Variants in TGIF1 observed in about 807,000 individuals in gnomAD.
TGIF1 encodes TGFB induced factor homeobox 1.
Under a neutral mutation model 19.3 loss-of-function variants are expected in TGIF1, and 4 were observed. The observed-to-expected ratio is 0.21, with a 90% CI of 0.10 to 0.47. TGIF1 has a LOEUF of 0.47. Among genes scored for constraint, TGIF1 ranks in the 20% least tolerant of loss-of-function variants. The probability of loss-of-function intolerance (pLI) is 0.98; values close to 1 mark genes in which losing one functional copy is unlikely to be tolerated. For synonymous variants in TGIF1, 122 were observed against 129.3 expected (o/e 0.94, Z 0.38); for missense variants, 275 against 341.4 (o/e 0.81, Z 1.53).
chr18:3,415,460 T>C (rs956603754), intron 1 of TGIF1: 18 of 493,478 alleles, frequency 3.6e-5, no homozygotes, highest in Admixed American at 3.3e-4. Context: ...AACCACATCC[T>C]CAGGCCACCA....
intron 1 of TGIF1, chr18:3,455,139 AT>A: frequency 2.6e-5 from 4 of 152,226 alleles, no homozygotes; most frequent in Admixed American, 2.6e-4. Context: ...AGAAGTACTG[AT>A]TTTTTTCAAG....
intron 1 of TGIF1, among the ~76,000 whole-genome samples, chr18:3,453,477 G>A (rs2083056519): frequency 6.6e-6 from 1 of 151,896 alleles, no homozygotes; most frequent in East Asian, 1.9e-4. Flanking sequence ...ATCTGAGGTC[G>A]GGAGTTCGAG....
chr18:3,427,284 C>T (rs1018210233), intron 2 of TGIF1, among the ~76,000 whole-genome samples: 2 of 149,364 alleles, frequency 1.3e-5, no homozygotes, highest in Admixed American at 1.3e-4. Flanking sequence ...TTCCAGAATA[C>T]ATTCTCCCTT....
intron 2 of TGIF1, among the ~76,000 whole-genome samples, chr18:3,437,000 G>C (rs1445505423): frequency 6.6e-6 from 1 of 152,060 alleles, no homozygotes; most frequent in African/African-American, 2.4e-5. Flanking sequence ...AGCTACTCGG[G>C]AGGCTGAGGC....
chr18:3,427,296 T>C (rs2143170442), intron 2 of TGIF1, among the ~76,000 whole-genome samples: 1 of 151,572 alleles, frequency 6.6e-6, no homozygotes, highest in South Asian at 2.1e-4. Flanking sequence ...TTCTCCCTTT[T>C]TTTTTTTTTC....
Position 3,450,321 on chromosome 18 carries a change from G to A in TGIF1, c.-169G>A, listed in dbSNP as rs527941062. 6.9e-7 allele frequency: 1 copy of A among 1,455,064 alleles called. No homozygotes were observed. The highest frequency in any genetic ancestry group is 1.4e-5 in the African/African-American group (1 of 69,958). 90.1% of individuals were successfully genotyped at this position (1,455,064 alleles called of 1,614,324 possible). A position where few individuals can be genotyped will look rare whatever the true frequency, so the allele number is the denominator to read the frequency against. Reference sequence around the variant, plus strand: ...CAAGTGTCACTTGAATTCCACCCAAGGAGCGGGCGCCTGGGATCAGAGCGT... The same window carrying A: ...CAAGTGTCACTTGAATTCCACCCAAAGAGCGGGCGCCTGGGATCAGAGCGT... On this transcript the variant is annotated 5_prime_UTR_variant, in exon 1 of 3. Coordinates refer to ENST00000343820, the MANE Select transcript of TGIF1 (RefSeq NM_003244.4).
intron 1 of TGIF1, 75 bp downstream of exon 1, chr18:3,450,580 G>A: frequency 6.5e-7 from 1 of 1,548,506 alleles, no homozygotes; most frequent in South Asian, 1.2e-5. Context: ...GCGCCGCGCG[G>A]AGTCACTTGG....
At chr18:3,428,593 C>T (rs369165117) in intron 2 of TGIF1, among the ~76,000 whole-genome samples, 7 of 151,616 alleles carry the variant, frequency 4.6e-5, no homozygotes, top group Non-Finnish European at 7.4e-5. Flanking sequence ...AAAGATTATC[C>T]GGGCATGGTG....
At position 3,450,318 on chromosome 18, in the gene TGIF1, C is replaced by G; in HGVS notation, c.-172C>G. 2 of 1,454,090 alleles carry G rather than the reference C, an allele frequency of 1.4e-6. No individual in the cohort carries two copies. Among genetic ancestry groups the G allele is most frequent in the South Asian group, 2.9e-5 (2 of 68,606 alleles). The allele number at this position is 1,454,090 out of a possible 1,614,324, so 90.1% of individuals were successfully genotyped here. A position where few individuals can be genotyped will look rare whatever the true frequency, so the allele number is the denominator to read the frequency against. Reference sequence around the variant, plus strand: ...GCCCAAGTGTCACTTGAATTCCACCCAAGGAGCGGGCGCCTGGGATCAGAG... The same window carrying G: ...GCCCAAGTGTCACTTGAATTCCACCGAAGGAGCGGGCGCCTGGGATCAGAG... On this transcript the variant is annotated 5_prime_UTR_variant, in exon 1 of 3. Transcript: ENST00000343820.
In TGIF1 at chr18:3,422,118, TGGGAG is replaced by T. The variant is rs1176054866; in HGVS notation, c.-45+3905_-45+3909del. ...CTGAGGCAGGAGAATCGCTTGAACC[TGGGAG>T]GCGGAGATTGCAGTGAGCAGAGATG... On this transcript the variant is annotated intron_variant, in intron 2 of 3. Transcript: ENST00000401449. Among the ~76,000 whole-genome samples the T allele has an allele frequency of 6.1e-3, 909 of 147,960 alleles. 14 individuals are homozygous for T. The highest frequency in any genetic ancestry group is 0.022 in the African/African-American group (873 of 40,290).
chr18:3,442,150 G>A (rs1485720354), intron 2 of TGIF1, among the ~76,000 whole-genome samples: 1 of 152,064 alleles, frequency 6.6e-6, no homozygotes, highest in Non-Finnish European at 1.5e-5. Flanking sequence ...TATTTTACTT[G>A]TCTTCCTTTA....
At chr18:3,431,608 A>G (rs2082547935) in intron 2 of TGIF1, among the ~76,000 whole-genome samples, 1 of 152,150 alleles carries the variant, frequency 6.6e-6, no homozygotes, top group African/African-American at 2.4e-5. Context: ...AGAGTAGAAA[A>G]CCAACAAATA....
intron 2 of TGIF1, among the ~76,000 whole-genome samples, chr18:3,430,110 C>T (rs1464968227): frequency 6.6e-6 from 1 of 152,186 alleles, no homozygotes; most frequent in African/African-American, 2.4e-5. Context: ...GAGCTGAGAT[C>T]GCAACATTGC....
At position 3,456,204 on chromosome 18, in the gene TGIF1, C is replaced by T. The variant is rs2049348235; in HGVS notation, c.17-150C>T. The T allele has an allele frequency of 2.4e-6, 2 of 828,974 alleles. No homozygotes were observed. The highest frequency in any genetic ancestry group is 4.2e-6 in the Non-Finnish European group (2 of 479,512). The allele number at this position is 828,974 out of a possible 1,614,324, so 51.4% of individuals were successfully genotyped here. ...GCTAGTCAAACTACTTTTACTTGGA[C>T]CCTGAATTCAGGACAGAAAACACTG... On this transcript the variant is annotated intron_variant, in intron 1 of 2. Coordinates refer to ENST00000343820, the MANE Select transcript of TGIF1 (RefSeq NM_003244.4). The surrounding 1 kb of genome is among the most constrained non-coding windows in gnomAD (Gnocchi z 4.2).
chr18:3,452,417 C>T, intron 1 of TGIF1: 1 of 1,612,862 alleles, frequency 6.2e-7, no homozygotes, highest in Admixed American at 1.7e-5. Context: ...GCGACTGGTT[C>T]AGGGCTCTTT....
rs1481454715 is a variant in TGIF1 at position 3,459,860 on chromosome 18, C to A, written c.*1920C>A. 2 of 152,134 alleles carry A rather than the reference C, an allele frequency of 1.3e-5. No homozygotes were observed. Among genetic ancestry groups the A allele is most frequent in the African/African-American group, 4.8e-5 (2 of 41,430 alleles). 9.4% of individuals were successfully genotyped at this position (152,134 alleles called of 1,614,324 possible). On this transcript the variant is annotated 3_prime_UTR_variant, in exon 3 of 3. Transcript: ENST00000343820. ...ATGAATGTAATCCATTATTTAAAAA[C>A]AGGTACATTTAAGTGAAAAGATAAA...
upstream of TGIF1, chr18:3,448,151 C>G: frequency 1.0e-6 from 1 of 985,152 alleles, no homozygotes; most frequent in Non-Finnish European, 1.2e-6. Context: ...CAGCCGAAGC[C>G]GCTTTCGAAG....
chr18:3,415,931 G>T (rs543543745), intron 1 of TGIF1, among the ~76,000 whole-genome samples: 4 of 152,330 alleles, frequency 2.6e-5, no homozygotes, highest in African/African-American at 7.2e-5. Flanking sequence ...TTTAGAGTTT[G>T]TGCTCTGGAA....
chr18:3,434,610 G>A (rs2082592477), intron 2 of TGIF1, among the ~76,000 whole-genome samples: 1 of 152,228 alleles, frequency 6.6e-6, no homozygotes, highest in Non-Finnish European at 1.5e-5. Context: ...AGCTACTCGG[G>A]AGGCTGAGGC....
Sources: allele counts gnomAD v4.1 joint callset (sites outside exome capture counted in the v4.1 genomes callset), GRCh38; gene constraint gnomAD v4.1.1; non-coding constraint Gnocchi (gnomAD v3.1); transcripts MANE v1.5; gene names NCBI Gene and HGNC (gene_info 2026-07-23, HGNC 2026-07-21).